MRPL48: variants seen among roughly 807,000 people sequenced by gnomAD.
The protein encoded by MRPL48 is large ribosomal subunit protein mL48.
A neutral mutation model predicts 32.9 loss-of-function variants in MRPL48; 16 were observed. The observed-to-expected ratio is 0.49, with a 90% CI of 0.33 to 0.74. The LOEUF (loss-of-function observed/expected upper bound fraction) is 0.74, where lower values mean the gene tolerates loss of function less well. MRPL48 is among the 30% of genes least tolerant of loss of function. The pLI is 0.02. For missense variants in MRPL48, 206 were observed against 245.3 expected, an observed-to-expected ratio of 0.84 and a Z score of 1.07; for synonymous variants, 94 against 89.2, an observed-to-expected ratio of 1.05 and a Z score of -0.31.
intron 2 of MRPL48, 73 bp from the exon 3 acceptor site, chr11:73,808,240 A>C: frequency 1.4e-6 from 2 of 1,412,010 alleles, no homozygotes; most frequent in South Asian, 1.2e-5. Context: ...GTGATAGAAT[A>C]TAAATTTTGC....
chr11:73,798,222 C>T (rs545604812), intron 1 of MRPL48, among the ~76,000 whole-genome samples: 5 of 152,116 alleles, frequency 3.3e-5, no homozygotes, highest in South Asian at 2.1e-4. Flanking sequence ...GGATTACAGG[C>T]GCCCACCACT....
chr11:73,807,421 A>G (rs1212821211), intron 2 of MRPL48, among the ~76,000 whole-genome samples: 1 of 149,308 alleles, frequency 6.7e-6, no homozygotes, highest in Non-Finnish European at 1.5e-5. Flanking sequence ...ATGTGATAGT[A>G]TCCCGTTCCA....
chr11:73,825,468 A>T (rs1262360971), intron 3 of MRPL48, among the ~76,000 whole-genome samples: 1 of 151,952 alleles, frequency 6.6e-6, no homozygotes, highest in Non-Finnish European at 1.5e-5. Context: ...CTCTACAAAA[A>T]ATAAAAGACA....
chr11:73,796,575 G>A (rs1366387399), intron 1 of MRPL48, among the ~76,000 whole-genome samples: 2 of 152,248 alleles, frequency 1.3e-5, no homozygotes, highest in South Asian at 2.1e-4. Flanking sequence ...GAATGGCAGT[G>A]AGAGGCAGAC....
intron 1 of MRPL48, among the ~76,000 whole-genome samples, chr11:73,793,201 G>A (rs1947184940): frequency 6.6e-6 from 1 of 152,166 alleles, no homozygotes; most frequent in Admixed American, 6.5e-5. Context: ...AAGTAGCTGG[G>A]ATAACAGGCA....
intron 4 of MRPL48, among the ~76,000 whole-genome samples, chr11:73,830,829 CTG>C (rs1947979876): frequency 1.3e-5 from 2 of 151,974 alleles, no homozygotes; most frequent in South Asian, 4.2e-4. Context: ...CTTGTTAATA[CTG>C]TTTTTATCTC....
intron 3 of MRPL48, among the ~76,000 whole-genome samples, chr11:73,823,642 C>G (rs1344509351): frequency 7.4e-6 from 1 of 135,168 alleles, no homozygotes; most frequent in Non-Finnish European, 1.6e-5. Context: ...TCTACCCTAT[C>G]TTTTCTTTTC....
intron 4 of MRPL48, among the ~76,000 whole-genome samples, chr11:73,826,415 T>C (rs547586138): frequency 1.3e-5 from 2 of 152,178 alleles, no homozygotes; most frequent in Non-Finnish European, 2.9e-5. Flanking sequence ...TCAGTTTAGT[T>C]GAGTGAATGA....
At chr11:73,851,101 G>T in intron 5 of MRPL48, 1 of 489,592 alleles carries the variant, frequency 2.0e-6, no homozygotes, top group South Asian at 1.5e-5. Flanking sequence ...GAACCTTAGT[G>T]TTTAATTTAT....
intron 4 of MRPL48, among the ~76,000 whole-genome samples, chr11:73,833,971 C>T (rs1039336605): frequency 2.6e-5 from 4 of 152,192 alleles, no homozygotes; most frequent in African/African-American, 9.7e-5. Flanking sequence ...ATCCTCCCAC[C>T]TCAGCCTCCT....
chr11:73,788,021 C>CGGGGAGATGGCGGATGGTGCAGAGA, intron 1 of MRPL48, 29 bp downstream of exon 1: 1 of 1,581,272 alleles, frequency 6.3e-7, no homozygotes, highest in Non-Finnish European at 8.6e-7. Flanking sequence ...ACGCGGGGCG[C>CGGGGAGATGGCGGATGGTGCAGAGA]GGGGAGATGG....
chr11:73,848,574 A>G (rs1233146064), intron 5 of MRPL48, among the ~76,000 whole-genome samples: 2 of 147,880 alleles, frequency 1.4e-5, no homozygotes, highest in African/African-American at 5.0e-5. Flanking sequence ...GAGTCTTCTG[A>G]TTCATTAACA....
chr11:73,837,923 C>T (rs1948131715), intron 4 of MRPL48, among the ~76,000 whole-genome samples: 1 of 152,172 alleles, frequency 6.6e-6, no homozygotes, highest in South Asian at 2.1e-4. Flanking sequence ...ATGATCTTGG[C>T]TCACTGCAAC....
chr11:73,843,406 A>C (rs1948228312), intron 4 of MRPL48: 1 of 151,558 alleles, frequency 6.6e-6, no homozygotes, highest in African/African-American at 2.4e-5. Flanking sequence ...TTGTATCTTT[A>C]GTTGAGATGG....
chr11:73,788,045 G>C, intron 1 of MRPL48, 53 bp downstream of exon 1: 1 of 1,460,562 alleles, frequency 6.8e-7, no homozygotes, highest in Non-Finnish European at 9.4e-7. Flanking sequence ...ACGGTGCAGA[G>C]AGGGGAGATG....
chr11:73,846,701 C>T (rs1368444111), intron 5 of MRPL48, among the ~76,000 whole-genome samples: 1 of 150,204 alleles, frequency 6.7e-6, no homozygotes, highest in Admixed American at 6.7e-5. Context: ...TGGTCTCTCT[C>T]TCCCACCCAG....
chr11:73,825,786 A>AAGC lies in MRPL48; in HGVS notation c.194_196dup (p.Ala65dup). The AAGC allele has an allele frequency of 6.4e-7, 1 of 1,563,672 alleles. No homozygotes were observed. Among genetic ancestry groups the AAGC allele is most frequent in the Non-Finnish European group, 8.7e-7 (1 of 1,153,948 alleles). ...ATTGGAAAGTACAAGCACTTAATTAAAGCAGAAGAGGTAACGGGCAGGGGG... is the reference window on the plus strand; with the variant it reads ...ATTGGAAAGTACAAGCACTTAATTAAAGCAGCAGAAGAGGTAACGGGCAGGGGG... On this transcript the variant is annotated inframe_insertion, in exon 4 of 8. Coordinates refer to ENST00000310614, the MANE Select transcript of MRPL48 (RefSeq NM_016055.6).
chr11:73,817,583 T>A (rs778524338), intron 3 of MRPL48, among the ~76,000 whole-genome samples: 1 of 152,218 alleles, frequency 6.6e-6, no homozygotes, highest in Non-Finnish European at 1.5e-5. Context: ...ATGTCTTTGA[T>A]TACTAGTTGG....
chr11:73,845,174 C>T, intron 5 of MRPL48, 198 bp downstream of exon 5: 1 of 455,252 alleles, frequency 2.2e-6, no homozygotes, highest in Non-Finnish European at 3.6e-6. Flanking sequence ...TCAGTCTTCT[C>T]CCTCTTCCCC....
Sources: gnomAD v4.1 joint callset for allele counts (sites outside exome capture counted in the v4.1 genomes callset) on GRCh38, gnomAD v4.1.1 for gene constraint, MANE v1.5 for transcripts, NCBI Gene and HGNC (gene_info 2026-07-23, HGNC 2026-07-21) for gene names.